Variants in SIRPG observed in about 807,000 individuals in gnomAD.
SIRPG encodes the protein signal regulatory protein gamma, also known as signal-regulatory protein gamma.
A neutral mutation model predicts 35.7 loss-of-function variants in SIRPG; 38 were observed. The observed-to-expected ratio is 1.06, with a 90% CI of 0.82 to 1.40. SIRPG has a LOEUF of 1.40. Among genes scored for constraint, SIRPG ranks in the 40% most tolerant of loss-of-function variants. The pLI is 0.00. For synonymous variants in SIRPG, 215 were observed against 190.4 expected, an observed-to-expected ratio of 1.13 and a Z score of -1.06; for missense variants, 519 against 483.0, an observed-to-expected ratio of 1.07 and a Z score of -0.70.
At chr20:1,630,996 A>C (rs1288139363) in intron 4 of SIRPG, among the ~76,000 whole-genome samples, 2 of 152,020 alleles carry the variant, frequency 1.3e-5, no homozygotes, top group African/African-American at 4.8e-5. Context: ...CTCAGATGTC[A>C]CCTAGGCCAC....
intron 1 of SIRPG, among the ~76,000 whole-genome samples, chr20:1,653,361 G>A (rs747034440): frequency 6.6e-6 from 1 of 152,138 alleles, no homozygotes; most frequent in Non-Finnish European, 1.5e-5. Context: ...AAGTAAAAGA[G>A]GTAAGGCATT....
At chr20:1,640,323 A>G (rs890618584) in intron 2 of SIRPG, among the ~76,000 whole-genome samples, 1 of 152,022 alleles carries the variant, frequency 6.6e-6, no homozygotes, top group Non-Finnish European at 1.5e-5. Context: ...AGGTCCTTCA[A>G]ATCCCTTGTA....
At chr20:1,645,812 C>T (rs1266339386) in intron 2 of SIRPG, among the ~76,000 whole-genome samples, 1 of 152,148 alleles carries the variant, frequency 6.6e-6, no homozygotes, top group Non-Finnish European at 1.5e-5. Flanking sequence ...AAACCAAACA[C>T]CTCCACCATT....
Position 1,649,654 on chromosome 20 carries a change from T to TGA in SIRPG, c.74-248_74-247dup, listed in dbSNP as rs1491330686. ...CTTTTTTTTTTTTTTTTTTTTTTTTTGAGAGAGGGTCCTGTTCTGTTGCCC... is the reference window on the plus strand; with the variant it reads ...CTTTTTTTTTTTTTTTTTTTTTTTTTGAGAGAGAGGGTCCTGTTCTGTTGCCC... On this transcript the variant is annotated intron_variant, in intron 1 of 5. Coordinates refer to ENST00000303415, the MANE Select transcript of SIRPG (RefSeq NM_018556.4). Among the ~76,000 whole-genome samples, 494 of 97,498 alleles carry TGA rather than the reference T, an allele frequency of 5.1e-3. 2 individuals carry two copies. The highest frequency in any genetic ancestry group is 0.018 in the African/African-American group (456 of 24,870). 64.0% of individuals were successfully genotyped at this position (97,498 alleles called of 152,430 possible).
At chr20:1,684,401 CAT>C in the SIRPG span, among the ~76,000 whole-genome samples, 5,089 of 103,404 alleles carry the variant, frequency 0.049, 282 homozygotes, top group African/African-American at 0.16. Context: ...CTTATACACA[CAT>C]ATATATATGT....
chr20:1,672,159 C>G, the SIRPG span, among the ~76,000 whole-genome samples: 1 of 152,176 alleles, frequency 6.6e-6, no homozygotes, highest in African/African-American at 2.4e-5. Context: ...TAAAATAGGA[C>G]AGCATTTCTG....
At chr20:1,651,607 A>G (rs549166688) in intron 1 of SIRPG, among the ~76,000 whole-genome samples, 1 of 152,116 alleles carries the variant, frequency 6.6e-6, no homozygotes, top group South Asian at 2.1e-4. Context: ...CATTTTCAAC[A>G]CTAATGGCAA....
the SIRPG span, among the ~76,000 whole-genome samples, chr20:1,675,988 T>C: frequency 6.6e-6 from 1 of 152,132 alleles, no homozygotes. Flanking sequence ...CCTGCCTCCC[T>C]CCTTTCTCAT....
chr20:1,683,097 A>T, the SIRPG span, among the ~76,000 whole-genome samples: 1 of 152,254 alleles, frequency 6.6e-6, no homozygotes, highest in East Asian at 1.9e-4. Flanking sequence ...AGACCTGAAT[A>T]GACATTTCTC....
chr20:1,642,791 T>C (rs910631710), intron 2 of SIRPG, among the ~76,000 whole-genome samples: 1 of 152,190 alleles, frequency 6.6e-6, no homozygotes, highest in African/African-American at 2.4e-5. Flanking sequence ...CAGCATTTGC[T>C]TGTTTGGAAA....
intron 3 of SIRPG, 70 bp from the exon 4 acceptor site, chr20:1,635,669 A>AACTCCC: frequency 6.7e-7 from 1 of 1,497,902 alleles, no homozygotes; most frequent in Middle Eastern, 2.3e-4. Flanking sequence ...TCCATAACTT[A>AACTCCC]ACTCCCACTA....
chr20:1,629,930 T>C (rs888344369), intron 5 of SIRPG, among the ~76,000 whole-genome samples: 7 of 152,164 alleles, frequency 4.6e-5, no homozygotes, highest in African/African-American at 1.7e-4. Context: ...AGTCCCAGCA[T>C]TCAAATAATC....
chr20:1,677,545 A>G, the SIRPG span, among the ~76,000 whole-genome samples: 1 of 152,206 alleles, frequency 6.6e-6, no homozygotes, highest in South Asian at 2.1e-4. Flanking sequence ...GCAGCTTAAA[A>G]AGAAATAACA....
chr20:1,675,420 C>T, the SIRPG span, among the ~76,000 whole-genome samples: 1 of 152,188 alleles, frequency 6.6e-6, no homozygotes, highest in South Asian at 2.1e-4. Flanking sequence ...AAAGCCAGCC[C>T]CTCCTACCCC....
intron 2 of SIRPG, chr20:1,637,086 C>G (rs950814176): frequency 5.9e-6 from 1 of 169,798 alleles, no homozygotes; most frequent in Non-Finnish European, 1.3e-5. Context: ...TCAGAAGATG[C>G]TTCATAAAAA....
chr20:1,667,141 C>T, the SIRPG span, among the ~76,000 whole-genome samples: 54 of 152,288 alleles, frequency 3.5e-4, no homozygotes, highest in Non-Finnish European at 6.8e-4. Flanking sequence ...AAGTGATCCC[C>T]CTGCCTTGGC....
the SIRPG span, among the ~76,000 whole-genome samples, chr20:1,664,388 G>T: frequency 3.3e-5 from 5 of 152,200 alleles, no homozygotes; most frequent in African/African-American, 1.2e-4. Context: ...CAAGGCTGGG[G>T]AGATGGAGTA....
chr20:1,636,054 A>C, intron 3 of SIRPG, 134 bp downstream of exon 3: 1 of 1,263,242 alleles, frequency 7.9e-7, no homozygotes, highest in Non-Finnish European at 1.1e-6. Context: ...CAGCACACCT[A>C]GGTGCATGGC....
At chr20:1,635,638 C>G (rs2091792599) in intron 3 of SIRPG, 39 bp from the exon 4 acceptor site, 4 of 1,597,106 alleles carry the variant, frequency 2.5e-6, no homozygotes, top group Admixed American at 1.7e-5. Flanking sequence ...TCTTCTGGCA[C>G]AGACAGATCA....
Sources: gnomAD v4.1 joint callset for allele counts (sites outside exome capture counted in the v4.1 genomes callset) on GRCh38, gnomAD v4.1.1 for gene constraint, MANE v1.5 for transcripts, NCBI Gene and HGNC (gene_info 2026-07-23, HGNC 2026-07-21) for gene names.